BAZ1B: variants seen among roughly 807,000 people sequenced by gnomAD.
BAZ1B encodes tyrosine-protein kinase BAZ1B.
Under a neutral mutation model 153.8 loss-of-function variants are expected in BAZ1B, and 22 were observed. The ratio of observed to expected loss-of-function variants is 0.14; its 90% CI spans 0.10 to 0.20. The LOEUF (loss-of-function observed/expected upper bound fraction) is 0.20. BAZ1B is among the 10% of genes least tolerant of loss of function. The pLI, the probability that BAZ1B is intolerant of heterozygous loss-of-function variation, is 1.00. For synonymous variants in BAZ1B, 676 were observed against 633.4 expected, an observed-to-expected ratio of 1.07 and a Z score of -1.01; for missense variants, 1,325 against 1,799.3, an observed-to-expected ratio of 0.74 and a Z score of 4.77.
intron 5 of BAZ1B, among the ~76,000 whole-genome samples, chr7:73,489,712 G>C (rs1789560623): frequency 6.6e-6 from 1 of 152,144 alleles, no homozygotes; most frequent in Admixed American, 6.5e-5. Flanking sequence ...GGAATTACTT[G>C]AACCCAGGAG....
At chr7:73,500,615 GCA>G (rs1446413861) in intron 3 of BAZ1B, among the ~76,000 whole-genome samples, 1 of 152,106 alleles carries the variant, frequency 6.6e-6, no homozygotes, top group East Asian at 1.9e-4. Flanking sequence ...ACCAAGCCGG[GCA>G]CAGTGGCTCA....
intron 3 of BAZ1B, among the ~76,000 whole-genome samples, chr7:73,507,846 T>C (rs1211071091): frequency 2.6e-5 from 4 of 152,094 alleles, no homozygotes; most frequent in African/African-American, 9.7e-5. Context: ...CTAGACTCTG[T>C]GACAGAACAA....
At chr7:73,442,930 A>G in intron 17 of BAZ1B, 102 bp from the exon 18 acceptor site, 2 of 902,334 alleles carry the variant, frequency 2.2e-6, no homozygotes, top group Non-Finnish European at 3.4e-6. Context: ...AAGAGAGTTC[A>G]ACTATTTCCT....
chr7:73,516,141 C>T (rs1225881246), intron 1 of BAZ1B, among the ~76,000 whole-genome samples: 1 of 152,006 alleles, frequency 6.6e-6, no homozygotes, highest in African/African-American at 2.4e-5. Context: ...AGCGAGACTC[C>T]ACTCAAAAGC....
At chr7:73,468,664 C>T (rs1241940124) in intron 9 of BAZ1B, among the ~76,000 whole-genome samples, 1 of 151,976 alleles carries the variant, frequency 6.6e-6, no homozygotes, top group East Asian at 1.9e-4. Context: ...TACCAGTGTC[C>T]CTACATGATC....
At chr7:73,511,272 T>TA (rs1303076838) in intron 1 of BAZ1B, among the ~76,000 whole-genome samples, 17 of 148,482 alleles carry the variant, frequency 1.1e-4, no homozygotes, top group African/African-American at 4.0e-4. Context: ...TCTCAAAAAC[T>TA]AAAAAAAATA....
intron 3 of BAZ1B, among the ~76,000 whole-genome samples, chr7:73,505,365 G>C (rs782731745): frequency 2.0e-5 from 3 of 152,154 alleles, no homozygotes; most frequent in Admixed American, 6.5e-5. Flanking sequence ...GAAAGACAGA[G>C]AAAGTCTAGG....
At position 73,510,807 on chromosome 7, in the gene BAZ1B, C is replaced by A; in HGVS notation, c.153G>T (p.Thr51=). The A allele has an allele frequency of 6.2e-7, 1 of 1,614,146 alleles. No individual in the cohort carries two copies. The highest frequency in any genetic ancestry group is 1.3e-5 in the African/African-American group (1 of 75,032). The change falls in exon 2 of 20, where the codon ACG becomes ACT. Residue 51 remains threonine (T), a synonymous_variant. Coordinates refer to ENST00000339594, the MANE Select transcript of BAZ1B (RefSeq NM_032408.4). The part of the protein sequence containing the change: ...RLERYSERIW[T]CKSTGSSQLT... ...GCTGACTGCTTCCAGTACTCTTGCA[C>A]GTCCAAATGCGCTCACTGTACCTTT...
intron 5 of BAZ1B, among the ~76,000 whole-genome samples, chr7:73,492,095 C>T (rs1265032060): frequency 6.0e-5 from 9 of 150,806 alleles, no homozygotes; most frequent in African/African-American, 2.2e-4. Flanking sequence ...CAGGTTCAAG[C>T]GAGTCTCCTG....
chr7:73,476,807 ATTTCC>A (rs1300864533), intron 7 of BAZ1B, 56 bp downstream of exon 7: 4 of 1,529,800 alleles, frequency 2.6e-6, no homozygotes, highest in African/African-American at 1.4e-5. Context: ...TACCTCAGTA[ATTTCC>A]TTTCTTTTAC....
chr7:73,501,787 G>A (rs1790143351), intron 3 of BAZ1B, among the ~76,000 whole-genome samples: 1 of 152,038 alleles, frequency 6.6e-6, no homozygotes, highest in Non-Finnish European at 1.5e-5. Flanking sequence ...CCTCAGAGGA[G>A]CTTTACTGGA....
At chr7:73,492,203 C>T (rs1330756002) in intron 5 of BAZ1B, among the ~76,000 whole-genome samples, 14 of 152,010 alleles carry the variant, frequency 9.2e-5, no homozygotes, top group African/African-American at 3.4e-4. Flanking sequence ...TGCTCTATCG[C>T]CCAGGCTGGA....
intron 16 of BAZ1B, among the ~76,000 whole-genome samples, chr7:73,445,201 G>A (rs1554566243): frequency 6.6e-6 from 1 of 152,120 alleles, no homozygotes; most frequent in African/African-American, 2.4e-5. Flanking sequence ...AGATGACACT[G>A]GACACAGAGG....
intron 13 of BAZ1B, among the ~76,000 whole-genome samples, chr7:73,455,087 A>G (rs567386374): frequency 6.6e-6 from 1 of 151,288 alleles, no homozygotes; most frequent in South Asian, 2.1e-4. Flanking sequence ...GGTTTTCACC[A>G]TGTTGGCCAG....
chr7:73,473,576 G>A (rs781806176), intron 7 of BAZ1B, among the ~76,000 whole-genome samples: 1 of 152,102 alleles, frequency 6.6e-6, no homozygotes, highest in Non-Finnish European at 1.5e-5. Flanking sequence ...AAAATGGAAA[G>A]TACACATTAC....
At chr7:73,501,191 G>C (rs34482346) in intron 3 of BAZ1B, among the ~76,000 whole-genome samples, 14,049 of 149,212 alleles carry the variant, frequency 0.094, 778 homozygotes, top group Middle Eastern at 0.15. Context: ...GGGATGCGGA[G>C]GTTGCGGTGA....
At chr7:73,472,282 G>T (rs1383003878) in intron 7 of BAZ1B, among the ~76,000 whole-genome samples, 1 of 150,630 alleles carries the variant, frequency 6.6e-6, no homozygotes, top group Non-Finnish European at 1.5e-5. Context: ...TTTTGAGACA[G>T]AGTTTCTCTC....
chr7:73,441,044 T>C lies in BAZ1B; in HGVS notation c.*665A>G, dbSNP rs1787595093. On this transcript the variant is annotated 3_prime_UTR_variant, in exon 20 of 20. Coordinates refer to ENST00000339594, the MANE Select transcript of BAZ1B (RefSeq NM_032408.4). ...ACTGACCACTGGAATCTTCAGGTTC[T>C]TGAGGAGTTCCAAGGCTGAGGTCAG... The C allele has an allele frequency of 6.6e-6, 1 of 152,286 alleles. No individual in the cohort carries two copies. The highest frequency in any genetic ancestry group is 1.5e-5 in the Non-Finnish European group (1 of 68,020). The allele number at this position is 152,286 out of a possible 1,614,324, so 9.4% of individuals were successfully genotyped here. A position where few individuals can be genotyped will look rare whatever the true frequency, so the allele number is the denominator to read the frequency against.
intron 13 of BAZ1B, among the ~76,000 whole-genome samples, chr7:73,457,451 T>C (rs1788247840): frequency 6.6e-6 from 1 of 152,166 alleles, no homozygotes; most frequent in South Asian, 2.1e-4. Context: ...GTGCTGAAAT[T>C]ACAGGCGTGA....
Sources: allele counts gnomAD v4.1 joint callset (sites outside exome capture counted in the v4.1 genomes callset), GRCh38; gene constraint gnomAD v4.1.1; transcripts MANE v1.5; gene names NCBI Gene and HGNC (gene_info 2026-07-23, HGNC 2026-07-21).